IPO9: variants seen among roughly 807,000 people sequenced by gnomAD.
IPO9 encodes the protein importin 9, also known as importin-9.
In IPO9, 28 loss-of-function variants were observed where a neutral mutation model predicts 128.6. The observed-to-expected ratio is 0.22, with a 90% confidence interval of 0.16 to 0.30. The LOEUF (loss-of-function observed/expected upper bound fraction) is 0.30, where lower values mean the gene tolerates loss of function less well. Ranked by LOEUF, IPO9 falls within the 10% of genes least tolerant of loss-of-function variation. IPO9 has a pLI of 1.00. For synonymous variants in IPO9, 455 were observed against 475.8 expected (o/e 0.96, Z 0.57); for missense variants, 935 against 1,293.9 (o/e 0.72, Z 4.26).
chr1:201,830,821 C>T (rs141608922), intron 1 of IPO9, among the ~76,000 whole-genome samples: 2 of 152,302 alleles, frequency 1.3e-5, no homozygotes, highest in Non-Finnish European at 2.9e-5. Flanking sequence ...GCTCCTGGTG[C>T]TCCAAATGCA....
chr1:201,853,030 G>A lies in IPO9; in HGVS notation c.623G>A (p.Arg208His). The stretch of plus-strand genomic sequence containing the variant: ...TTCCAGGTGTATGGTATTCGAACCC[G>A]TTCCCGAGCCGTGGAGATTTTTACC... ...TMAEVYGIRT[R>H]SRAVEIFTTC... The change falls in exon 6 of 24, where the codon CGT becomes CAT. Residue 208 changes from arginine to histidine, a missense_variant. Arg to His is a conservative substitution (Grantham distance 29). Around this residue, in one of 3 missense-constraint regions of IPO9, gnomAD observed 741 missense variants for 1,019.1 expected, o/e 0.73. Transcript: ENST00000361565. 6.2e-7 allele frequency: 1 copy of A among 1,614,070 alleles called. No individual in the cohort carries two copies. Among genetic ancestry groups the A allele is most frequent in the Non-Finnish European group, 8.5e-7 (1 of 1,180,008 alleles).
chr1:201,829,362 G>A lies in IPO9; in HGVS notation c.153G>A (p.Glu51=). 2 of 1,572,184 alleles carry A rather than the reference G, an allele frequency of 1.3e-6. No homozygotes were observed. Among genetic ancestry groups the A allele is most frequent in the African/African-American group, 1.4e-5 (1 of 73,456 alleles). ...CTGAAGAACAGATTAAGGTGCTGGA[G>A]GTGACGGAGGGTGAGTGAGGCGGGA... ...AAAEEQIKVL[E]VTEEFGVHLA... Residue 51 remains glutamate (E), a synonymous_variant, in exon 1 of 24, where the codon GAG becomes GAA. Transcript: ENST00000361565.
chr1:201,853,136 A>T, intron 6 of IPO9, 39 bp downstream of exon 6: 1 of 1,552,162 alleles, frequency 6.4e-7, no homozygotes, highest in Non-Finnish European at 8.9e-7. Flanking sequence ...CTTCATGCTT[A>T]AAAGTTTTAT....
intron 10 of IPO9, among the ~76,000 whole-genome samples, chr1:201,856,576 A>G (rs1311487056): frequency 6.6e-6 from 1 of 152,224 alleles, no homozygotes; most frequent in African/African-American, 2.4e-5. Context: ...AAAGAGAGCA[A>G]TAGCCATTGC....
In IPO9 at chr1:201,866,979, G is replaced by T. The variant is rs773012480; in HGVS notation, c.1855+20G>T. On this transcript the variant is annotated intron_variant, in intron 15 of 23. Transcript: ENST00000361565. ...GTAATGGTATGCTGCCAGGGAGGAT[G>T]TATTATGAGGGGCACCAAAGAAAAG... The T allele has an allele frequency of 8.4e-5, 132 of 1,576,180 alleles. No individual in the cohort carries two copies. Among genetic ancestry groups the T allele is most frequent in the Admixed American group, 1.3e-4 (8 of 59,964 alleles).
intron 13 of IPO9, among the ~76,000 whole-genome samples, chr1:201,859,688 G>T (rs1433284182): frequency 6.6e-6 from 1 of 152,160 alleles, no homozygotes; most frequent in Admixed American, 6.5e-5. Flanking sequence ...GGCCAGGCGC[G>T]ATGGCTCATG....
At chr1:201,846,116 AATTT>A (rs1399309816) in intron 1 of IPO9, among the ~76,000 whole-genome samples, 2 of 152,170 alleles carry the variant, frequency 1.3e-5, no homozygotes, top group African/African-American at 4.8e-5. Context: ...TCTAAAACAA[AATTT>A]ATTTTAGTAA....
At position 201,879,315 on chromosome 1, in the gene IPO9, A is replaced by G. The variant is rs1197971980; in HGVS notation, c.*3261A>G. 1 of 152,172 alleles carries G rather than the reference A, an allele frequency of 6.6e-6. No homozygotes were observed. The highest frequency in any genetic ancestry group is 1.5e-5 in the Non-Finnish European group (1 of 68,038). The allele number at this position is 152,172 out of a possible 1,614,324, so 9.4% of individuals were successfully genotyped here. ...TTTGTTAACTAGGTAAATAATCTGGACATTTTAGTCAAAGCATTAGACAGA... is the reference window on the plus strand; with the variant it reads ...TTTGTTAACTAGGTAAATAATCTGGGCATTTTAGTCAAAGCATTAGACAGA... On this transcript the variant is annotated 3_prime_UTR_variant, in exon 24 of 24. Transcript: ENST00000361565.
chr1:201,875,853 A>G (rs1385793124), intron 23 of IPO9, 91 bp from the exon 24 acceptor site: 1 of 794,112 alleles, frequency 1.3e-6, no homozygotes, highest in Non-Finnish European at 2.2e-6. Flanking sequence ...AAAAACCAGC[A>G]TTCCCTGTGC....
At chr1:201,844,593 C>T (rs1337491257) in intron 1 of IPO9, among the ~76,000 whole-genome samples, 2 of 152,112 alleles carry the variant, frequency 1.3e-5, no homozygotes, top group Non-Finnish European at 2.9e-5. Flanking sequence ...ATCACTGAAC[C>T]GTGGTTATGT....
rs1680934504 is a variant in IPO9 at position 201,883,844 on chromosome 1, A to C, written c.*7790A>C. The C allele has an allele frequency of 6.6e-6, 1 of 152,264 alleles. No homozygotes were observed. The highest frequency in any genetic ancestry group is 1.5e-5 in the Non-Finnish European group (1 of 68,042). The allele number at this position is 152,264 out of a possible 1,614,324, so 9.4% of individuals were successfully genotyped here. On this transcript the variant is annotated 3_prime_UTR_variant, in exon 24 of 24. Coordinates refer to ENST00000361565, the MANE Select transcript of IPO9 (RefSeq NM_018085.5). ...TCAGCTCCGCTGACTCATCCCTGCC[A>C]CAGGGAGGTTCACAGCAAGAGCACA...
In IPO9 at chr1:201,876,317, A is replaced by C; in HGVS notation, c.*263A>C. 1.7e-6 allele frequency: 1 copy of C among 574,132 alleles called. No homozygotes were observed. Among genetic ancestry groups the C allele is most frequent in the African/African-American group, 1.9e-5 (1 of 53,756 alleles). The allele number at this position is 574,132 out of a possible 1,614,324, so 35.6% of individuals were successfully genotyped here. A position where few individuals can be genotyped will look rare whatever the true frequency, so the allele number is the denominator to read the frequency against. The stretch of plus-strand genomic sequence containing the variant: ...CTTTTTTCTCCCCGACTCTACCCCC[A>C]CCTCTGTTCCTAGAGCCCTCTGCTG... On this transcript the variant is annotated 3_prime_UTR_variant, in exon 24 of 24. Coordinates refer to ENST00000361565, the MANE Select transcript of IPO9 (RefSeq NM_018085.5).
chr1:201,849,614 C>T (rs2102875494), intron 4 of IPO9, among the ~76,000 whole-genome samples: 1 of 152,300 alleles, frequency 6.6e-6, no homozygotes, highest in South Asian at 2.1e-4. Flanking sequence ...GGCACATAGG[C>T]CCAATTTTGC....
chr1:201,834,287 A>G (rs1679887850), intron 1 of IPO9, among the ~76,000 whole-genome samples: 1 of 151,546 alleles, frequency 6.6e-6, no homozygotes, highest in African/African-American at 2.4e-5. Flanking sequence ...GTTCATATTA[A>G]GCACTTTACA....
chr1:201,836,132 A>C (rs936880499), intron 1 of IPO9, among the ~76,000 whole-genome samples: 3 of 148,670 alleles, frequency 2.0e-5, no homozygotes, highest in African/African-American at 4.9e-5. Flanking sequence ...AAAAAAAAAA[A>C]AAAAAAAAAA....
chr1:201,846,948 C>T (rs1190550754), intron 1 of IPO9, among the ~76,000 whole-genome samples: 11 of 152,144 alleles, frequency 7.2e-5, no homozygotes, highest in Non-Finnish European at 1.5e-4. Flanking sequence ...GGATTACAGG[C>T]GTGAGCCACC....
At chr1:201,837,809 G>A (rs1481520177) in intron 1 of IPO9, among the ~76,000 whole-genome samples, 3 of 152,200 alleles carry the variant, frequency 2.0e-5, no homozygotes, top group Non-Finnish European at 4.4e-5. Context: ...GGGGGCTCAT[G>A]CCTGTAATCC....
chr1:201,869,360 A>G (rs1185206776), intron 16 of IPO9, among the ~76,000 whole-genome samples: 2 of 152,202 alleles, frequency 1.3e-5, no homozygotes, highest in Non-Finnish European at 2.9e-5. Flanking sequence ...TGGTTATCCA[A>G]TCCACTACCA....
At chr1:201,838,657 C>CAA (rs929082852) in intron 1 of IPO9, among the ~76,000 whole-genome samples, 85 of 140,118 alleles carry the variant, frequency 6.1e-4, no homozygotes, top group Middle Eastern at 3.3e-3. Context: ...GCGGTCATGC[C>CAA]AAAAAAAAAA....
Sources: allele counts gnomAD v4.1 joint callset (sites outside exome capture counted in the v4.1 genomes callset), GRCh38; gene constraint gnomAD v4.1.1; regional missense constraint gnomAD v4.1.1; transcripts MANE v1.5; gene names NCBI Gene and HGNC (gene_info 2026-07-23, HGNC 2026-07-21).